The following PLGRKT variants were observed in gnomAD, a reference collection of about 807,000 sequenced individuals.
The protein encoded by PLGRKT is plasminogen receptor (KT).
A neutral mutation model predicts 18.5 loss-of-function variants in PLGRKT; 22 were observed. The observed-to-expected ratio is 1.19, with a 90% confidence interval of 0.85 to 1.70. The LOEUF (loss-of-function observed/expected upper bound fraction) is 1.70. Among genes scored for constraint, PLGRKT ranks in the 40% most tolerant of loss-of-function variants. PLGRKT has a pLI of 0.00. For synonymous variants in PLGRKT, 72 were observed against 52.8 expected, an observed-to-expected ratio of 1.36 and a Z score of -1.58; for missense variants, 235 against 174.4, an observed-to-expected ratio of 1.35 and a Z score of -1.96.
intron 3 of PLGRKT, among the ~76,000 whole-genome samples, chr9:5,430,376 G>C (rs964838279): frequency 6.6e-6 from 1 of 152,162 alleles, no homozygotes; most frequent in Non-Finnish European, 1.5e-5. Flanking sequence ...ACTTGGTCTC[G>C]CCTAGGTCAC....
intron 2 of PLGRKT, among the ~76,000 whole-genome samples, chr9:5,433,780 G>C (rs2104173): frequency 0.28 from 35,097 of 123,768 alleles, 7,594 homozygotes; most frequent in East Asian, 0.44. Context: ...GGGATGTGAG[G>C]AGTGCCTCTG....
At chr9:5,412,766 T>G (rs1818389436) in intron 3 of PLGRKT, among the ~76,000 whole-genome samples, 1 of 152,188 alleles carries the variant, frequency 6.6e-6, no homozygotes, top group Non-Finnish European at 1.5e-5. Flanking sequence ...ATTGGTAACT[T>G]GACCACATAA....
chr9:5,376,594 G>C (rs1283105919), intron 3 of PLGRKT, among the ~76,000 whole-genome samples: 1 of 152,114 alleles, frequency 6.6e-6, no homozygotes, highest in Non-Finnish European at 1.5e-5. Context: ...CTTTCCAGCA[G>C]CATCAGCACT....
intron 3 of PLGRKT, among the ~76,000 whole-genome samples, chr9:5,386,810 G>C (rs1346129196): frequency 6.6e-6 from 1 of 151,828 alleles, no homozygotes; most frequent in African/African-American, 2.4e-5. Flanking sequence ...TAAAAAGTTA[G>C]AAACCATACC....
At chr9:5,419,811 G>T (rs928105241) in intron 3 of PLGRKT, among the ~76,000 whole-genome samples, 3 of 152,188 alleles carry the variant, frequency 2.0e-5, no homozygotes, top group African/African-American at 7.2e-5. Context: ...AAAAGAGTTT[G>T]GTGGTTCCTC....
At chr9:5,360,353 T>C (rs891320702) in intron 5 of PLGRKT, among the ~76,000 whole-genome samples, 5 of 152,238 alleles carry the variant, frequency 3.3e-5, no homozygotes, top group East Asian at 1.9e-4. Flanking sequence ...GTAAATATTA[T>C]AGGCTTGTGG....
intron 3 of PLGRKT, chr9:5,381,900 G>C: frequency 1.0e-6 from 1 of 985,036 alleles, no homozygotes; most frequent in Non-Finnish European, 1.2e-6. Context: ...AAATCACAGA[G>C]GGACCACATC....
chr9:5,406,155 T>C (rs1211080149), intron 3 of PLGRKT, among the ~76,000 whole-genome samples: 4 of 152,162 alleles, frequency 2.6e-5, no homozygotes, highest in Non-Finnish European at 4.4e-5. Flanking sequence ...TTTTATACTG[T>C]TGGTGGGAAT....
At chr9:5,414,320 C>A (rs1467208058) in intron 3 of PLGRKT, among the ~76,000 whole-genome samples, 2 of 152,174 alleles carry the variant, frequency 1.3e-5, no homozygotes, top group African/African-American at 4.8e-5. Flanking sequence ...GCACCTGCCA[C>A]CACACCCAGC....
intron 3 of PLGRKT, among the ~76,000 whole-genome samples, chr9:5,376,311 G>A (rs1420930130): frequency 6.6e-6 from 1 of 152,188 alleles, no homozygotes; most frequent in Admixed American, 6.5e-5. Flanking sequence ...GAGAGGCGCA[G>A]TGAAGGGGCC....
intron 3 of PLGRKT, among the ~76,000 whole-genome samples, chr9:5,391,735 C>T (rs1053252004): frequency 3.3e-5 from 5 of 151,922 alleles, no homozygotes; most frequent in Non-Finnish European, 5.9e-5. Context: ...AAGGTTCAGT[C>T]GTATTCATGC....
intron 3 of PLGRKT, among the ~76,000 whole-genome samples, chr9:5,420,094 G>T (rs1252521311): frequency 6.6e-6 from 1 of 152,200 alleles, no homozygotes; most frequent in East Asian, 1.9e-4. Context: ...TCTTAGAAAG[G>T]TTATGTTAAT....
At chr9:5,380,281 T>C (rs1817715882) in intron 3 of PLGRKT, among the ~76,000 whole-genome samples, 1 of 149,976 alleles carries the variant, frequency 6.7e-6, no homozygotes, top group Non-Finnish European at 1.5e-5. Flanking sequence ...AGCAGAATGG[T>C]GTGAACCCAG....
intron 3 of PLGRKT, among the ~76,000 whole-genome samples, chr9:5,382,700 C>A (rs1438603082): frequency 6.6e-6 from 1 of 152,152 alleles, no homozygotes; most frequent in Non-Finnish European, 1.5e-5. Flanking sequence ...ATTTTAAATG[C>A]CCTCTGGCCG....
chr9:5,430,159 G>C (rs150704066), intron 3 of PLGRKT, among the ~76,000 whole-genome samples: 62 of 152,346 alleles, frequency 4.1e-4, no homozygotes, highest in African/African-American at 1.4e-3. Flanking sequence ...TGTGCTGTGA[G>C]TAATAAAGTC....
At position 5,374,643 on chromosome 9, in the gene PLGRKT, T is replaced by C. The variant is rs939406531; in HGVS notation, c.82-12755A>G. 4.9e-4 allele frequency among the ~76,000 whole-genome samples: 75 copies of C among 152,214 alleles called. 1 individual carries two copies. Among genetic ancestry groups the C allele is most frequent in the Non-Finnish European group, 8.8e-5 (6 of 68,042 alleles). On this transcript the variant is annotated intron_variant, in intron 3 of 5. Coordinates refer to ENST00000223864, the MANE Select transcript of PLGRKT (RefSeq NM_018465.4). ...GGCAAGGTCCCCAAACTTCCTGAGC[T>C]TCAGGACTCATGGTGCAGGTTATTT...
intron 2 of PLGRKT, among the ~76,000 whole-genome samples, chr9:5,434,446 G>A (rs188288256): frequency 0.013 from 1,867 of 145,188 alleles, 50 homozygotes; most frequent in African/African-American, 0.046. Flanking sequence ...CTGCCCGGCC[G>A]CCGCCCCGTC....
rs187191396 is a variant in PLGRKT at position 5,421,654 on chromosome 9, A to T, written c.81+10243T>A. Among the ~76,000 whole-genome samples, 152 of 152,362 alleles carry T rather than the reference A, an allele frequency of 1.0e-3. 1 individual carries two copies. The highest frequency in any genetic ancestry group is 5.5e-3 in the Admixed American group (84 of 15,306). On this transcript the variant is annotated intron_variant, in intron 3 of 5. Coordinates refer to ENST00000223864, the MANE Select transcript of PLGRKT (RefSeq NM_018465.4). ...ACTTTGCTGAGTGCTTACATGGGGC[A>T]GATGCTGTGTGCTAAATTCTTGTAT...
chr9:5,434,982 C>A (rs1026116657), intron 2 of PLGRKT, among the ~76,000 whole-genome samples: 3 of 151,994 alleles, frequency 2.0e-5, no homozygotes, highest in Admixed American at 6.6e-5. Flanking sequence ...AAGAAAAATT[C>A]TTCTGCCTTG....
Sources: allele counts gnomAD v4.1 joint callset (sites outside exome capture counted in the v4.1 genomes callset), GRCh38; gene constraint gnomAD v4.1.1; transcripts MANE v1.5; gene names NCBI Gene and HGNC (gene_info 2026-07-23, HGNC 2026-07-21).